The following MRTFA variants were observed in gnomAD, a reference collection of about 807,000 sequenced individuals.
The protein encoded by MRTFA is myocardin-related transcription factor A.
Under a neutral mutation model 83.5 loss-of-function variants are expected in MRTFA, and 20 were observed. That is an observed-to-expected ratio of 0.24 (90% CI 0.17 to 0.35). The LOEUF (loss-of-function observed/expected upper bound fraction) is 0.35. Ranked by LOEUF, MRTFA falls within the 10% of genes least tolerant of loss-of-function variation. The pLI, the probability that MRTFA is intolerant of heterozygous loss-of-function variation, is 1.00. For synonymous variants in MRTFA, 659 were observed against 541.2 expected (o/e 1.22, Z -3.02); for missense variants, 1,200 against 1,224.7 (o/e 0.98, Z 0.30).
rs188257295 is a variant in MRTFA at position 40,525,287 on chromosome 22, A to G, written c.241+26819T>C. On this transcript the variant is annotated intron_variant, in intron 3 of 14. Coordinates refer to ENST00000355630, the MANE Select transcript of MRTFA (RefSeq NM_020831.6). ...AAGCCACTTTTCTAGAATTATAGAG[A>G]TAAGTGGTAAACATTATTCCACATT... Among the ~76,000 whole-genome samples, 140 of 152,306 alleles carry G rather than the reference A, an allele frequency of 9.2e-4. 1 individual carries two copies. The Middle Eastern group carries it at 0.02, about 22-fold the overall frequency.
intron 4 of MRTFA, among the ~76,000 whole-genome samples, chr22:40,438,542 G>C (rs905232081): frequency 6.6e-6 from 1 of 152,220 alleles, no homozygotes; most frequent in Non-Finnish European, 1.5e-5. Flanking sequence ...TGCACCACTA[G>C]TGGAGGACAG....
At chr22:40,459,830 C>CATATATATATATATATATATATAT (rs55885079) in intron 4 of MRTFA, among the ~76,000 whole-genome samples, 13 of 86,938 alleles carry the variant, frequency 1.5e-4, no homozygotes, top group African/African-American at 2.4e-4. Flanking sequence ...CACATATATA[C>CATATATATATATATATATATATAT]ATATATATAT....
chr22:40,475,355 T>C (rs1686735884), intron 3 of MRTFA, among the ~76,000 whole-genome samples: 1 of 151,748 alleles, frequency 6.6e-6, no homozygotes, highest in African/African-American at 2.4e-5. Context: ...CTGGCCAACA[T>C]GGTGAAATCC....
chr22:40,416,426 T>C lies in MRTFA; in HGVS notation c.2578+560A>G, dbSNP rs2052680387. Among the ~76,000 whole-genome samples the C allele has an allele frequency of 6.6e-6, 1 of 152,244 alleles. No individual in the cohort carries two copies. Among genetic ancestry groups the C allele is most frequent in the African/African-American group, 2.4e-5 (1 of 41,468 alleles). On this transcript the variant is annotated intron_variant, in intron 14 of 14. Coordinates refer to ENST00000355630, the MANE Select transcript of MRTFA (RefSeq NM_020831.6). The surrounding 1 kb of genome is among the most constrained non-coding windows in gnomAD (Gnocchi z 4.2). ...GCCTTTTCTGCTCAAGGCTGTGCGA[T>C]GGCTTCCCACACAATGGAGCCAAAG...
intron 3 of MRTFA, among the ~76,000 whole-genome samples, chr22:40,489,990 C>T (rs1301829219): frequency 3.8e-5 from 3 of 78,204 alleles, no homozygotes; most frequent in Non-Finnish European, 5.2e-5. Flanking sequence ...AAAAAAAAAT[C>T]AGAAAAGTGT....
intron 5 of MRTFA, chr22:40,433,248 G>A: frequency 6.4e-6 from 1 of 156,502 alleles, no homozygotes; most frequent in East Asian, 1.7e-4. Context: ...AACTTTCAGG[G>A]CCAAATTTAA....
chr22:40,513,250 C>T (rs779113751), intron 3 of MRTFA, among the ~76,000 whole-genome samples: 20 of 152,146 alleles, frequency 1.3e-4, no homozygotes, highest in Non-Finnish European at 2.9e-4. Flanking sequence ...TAAGAATTAA[C>T]GGACAAGAAG....
intron 5 of MRTFA, among the ~76,000 whole-genome samples, chr22:40,434,045 A>C (rs2053120327): frequency 6.6e-6 from 1 of 152,236 alleles, no homozygotes; most frequent in African/African-American, 2.4e-5. Context: ...AATGAGGATA[A>C]TACCACCTAA....
chr22:40,490,793 A>G (rs1055684382), intron 3 of MRTFA, among the ~76,000 whole-genome samples: 4 of 152,216 alleles, frequency 2.6e-5, no homozygotes, highest in African/African-American at 9.6e-5. Context: ...TTAGAAAAGT[A>G]GCATTTACAT....
At chr22:40,632,124 T>C (rs529940737) in intron 1 of MRTFA, among the ~76,000 whole-genome samples, 16 of 152,326 alleles carry the variant, frequency 1.1e-4, no homozygotes, top group African/African-American at 3.1e-4. Context: ...CTGGCTGCCA[T>C]GCCATGAAGG....
At position 40,507,375 on chromosome 22, in the gene MRTFA, A is replaced by G. The variant is rs141383374; in HGVS notation, c.242-44089T>C. ...GACCCTATGTCAAAAAGAAAAAAAA[A>G]AGAAACAAACAAACTTCCCAGCTGG... On this transcript the variant is annotated intron_variant, in intron 3 of 14. Coordinates refer to ENST00000355630, the MANE Select transcript of MRTFA (RefSeq NM_020831.6). Among the ~76,000 whole-genome samples the G allele has an allele frequency of 6.9e-3, 1,047 of 152,024 alleles. 11 individuals are homozygous for G. Among genetic ancestry groups the G allele is most frequent in the African/African-American group, 0.024 (1,006 of 41,432 alleles).
At chr22:40,429,825 C>T (rs572260869) in intron 6 of MRTFA, 58 bp from the exon 7 acceptor site, 15 of 1,526,708 alleles carry the variant, frequency 9.8e-6, no homozygotes, top group East Asian at 2.3e-5. Flanking sequence ...GGTTCTGCCC[C>T]GGGAACTCCA....
intron 3 of MRTFA, among the ~76,000 whole-genome samples, chr22:40,470,944 G>A (rs960560601): frequency 2.0e-5 from 3 of 151,118 alleles, no homozygotes; most frequent in Non-Finnish European, 3.0e-5. Context: ...GCGAGATTCC[G>A]TCTCAAAAAA....
At position 40,494,748 on chromosome 22, in the gene MRTFA, A is replaced by G. The variant is rs112834783; in HGVS notation, c.242-31462T>C. ...TACTTCAGCAATTTTTAAAAACCCA[A>G]TAAACTATTGTTACAGGAAACAACA... On this transcript the variant is annotated intron_variant, in intron 3 of 14. Coordinates refer to ENST00000355630, the MANE Select transcript of MRTFA (RefSeq NM_020831.6). Among the ~76,000 whole-genome samples the G allele has an allele frequency of 7.5e-3, 1,145 of 152,306 alleles. 24 individuals carry two copies. Among genetic ancestry groups the G allele is most frequent in the Middle Eastern group, 0.075 (22 of 294 alleles).
Position 40,420,903 on chromosome 22 carries a change from G to A in MRTFA, c.1125C>T (p.Leu375=). Reference sequence around the variant, plus strand: ...TGTGGTGCTGCTGCTGCTGCTGGTTGAGGATCTGCAGCTGGAGGAAGAGCT... The same window carrying A: ...TGTGGTGCTGCTGCTGCTGCTGGTTAAGGATCTGCAGCTGGAGGAAGAGCT... The change falls in exon 10 of 15, where the codon CTC becomes CTT. Residue 375 remains leucine, a synonymous_variant. Transcript: ENST00000355630. 6.2e-7 allele frequency: 1 copy of A among 1,614,188 alleles called. No homozygotes were observed. Among genetic ancestry groups the A allele is most frequent in the East Asian group, 2.2e-5 (1 of 44,890 alleles).
At position 40,419,364 on chromosome 22, in the gene MRTFA, C is replaced by G; in HGVS notation, c.1374G>C (p.Glu458Asp). 6.2e-7 allele frequency: 1 copy of G among 1,613,758 alleles called. No individual in the cohort carries two copies. Among genetic ancestry groups the G allele is most frequent in the Non-Finnish European group, 8.5e-7 (1 of 1,179,992 alleles). ...AGACAGGCAGTGATCGCAACTTCAG[C>G]TCCTGCTTCAGCTCTGCCACCTGCA... The change falls in exon 12 of 15, where the codon GAG becomes GAC. Residue 458 changes from glutamate (E) to aspartate (D), a missense_variant. Physicochemically the swap from Glu to Asp is conservative, Grantham distance 45. Transcript: ENST00000355630.
intron 3 of MRTFA, among the ~76,000 whole-genome samples, chr22:40,481,870 C>T (rs2054097922): frequency 6.6e-6 from 1 of 152,018 alleles, no homozygotes; most frequent in African/African-American, 2.4e-5. Context: ...ACCATCCTGG[C>T]TAACACGGTG....
intron 3 of MRTFA, among the ~76,000 whole-genome samples, chr22:40,530,292 TTTG>T (rs1250871645): frequency 2.0e-5 from 3 of 152,200 alleles, no homozygotes; most frequent in Non-Finnish European, 4.4e-5. Context: ...TCTTATTTGT[TTTG>T]TTGTTTTTGT....
intron 1 of MRTFA, among the ~76,000 whole-genome samples, chr22:40,617,176 AGGAGGGAAGGAGGGAGGGAG>A (rs1323856480): frequency 7.6e-4 from 65 of 85,056 alleles, no homozygotes; most frequent in East Asian, 1.9e-3. Context: ...GAAGGAGGGA[AGGAGGGAAGGAGGGAGGGAG>A]GGAGGGAGGG....
Sources: gnomAD v4.1 joint callset for allele counts (sites outside exome capture counted in the v4.1 genomes callset) on GRCh38, gnomAD v4.1.1 for gene constraint, Gnocchi (gnomAD v3.1) non-coding constraint, MANE v1.5 for transcripts, NCBI Gene and HGNC (gene_info 2026-07-23, HGNC 2026-07-21) for gene names.